The following ZNF544 variants were observed in gnomAD, a reference collection of about 807,000 sequenced individuals.
The protein encoded by ZNF544 is zinc finger protein 544.
Under a neutral mutation model 13.5 loss-of-function variants are expected in ZNF544, and 10 were observed. The ratio of observed to expected loss-of-function variants is 0.74; its 90% CI spans 0.46 to 1.25. The LOEUF is 1.25. ZNF544 is among the 50% of genes most tolerant of loss of function. The probability of loss-of-function intolerance (pLI) is 0.00; values close to 1 mark genes in which losing one functional copy is unlikely to be tolerated. For synonymous variants in ZNF544, 323 were observed against 300.5 expected (o/e 1.07, Z -0.77); for missense variants, 896 against 845.6 (o/e 1.06, Z -0.74).
intron 6 of ZNF544, among the ~76,000 whole-genome samples, chr19:58,254,259 T>C (rs2046821568): frequency 6.6e-6 from 1 of 151,182 alleles, no homozygotes; most frequent in African/African-American, 2.4e-5. Context: ...AATGCCTGGA[T>C]ACATGCAACT....
intron 6 of ZNF544, among the ~76,000 whole-genome samples, chr19:58,247,896 C>T (rs1407680657): frequency 2.6e-5 from 4 of 151,958 alleles, no homozygotes; most frequent in African/African-American, 7.2e-5. Context: ...CTGTTACAAT[C>T]GGCAAACCTA....
At chr19:58,260,533 G>A in intron 6 of ZNF544, 1 of 195,430 alleles carries the variant, frequency 5.1e-6, no homozygotes, top group Non-Finnish European at 1.0e-5. Context: ...ACCTGCCTCA[G>A]CCTCCCAAAG....
intron 3 of ZNF544, among the ~76,000 whole-genome samples, chr19:58,236,328 C>T (rs576476197): frequency 2.6e-5 from 4 of 151,706 alleles, no homozygotes; most frequent in South Asian, 2.1e-4. Flanking sequence ...GGAGAAACCC[C>T]GTCTCTGCTT....
intron 6 of ZNF544, chr19:58,251,330 C>A (rs2046271566): frequency 1.9e-6 from 1 of 518,902 alleles, no homozygotes; most frequent in Non-Finnish European, 3.8e-6. Flanking sequence ...TTTCACAAGT[C>A]ACAGGTGTAG....
In ZNF544 at chr19:58,254,796, T is replaced by TG. The variant is rs1300809070; in HGVS notation, c.245-6051dup. ...GCAGAGTTAATAGTACCAAGGTTGG[T>TG]GGGGTATTCTCTGTGAAGGAAGGAT... On this transcript the variant is annotated intron_variant, in intron 6 of 6. Coordinates refer to ENST00000687789, the MANE Select transcript of ZNF544 (RefSeq NM_014480.4). 6.6e-5 allele frequency among the ~76,000 whole-genome samples: 10 copies of TG among 151,968 alleles called. No individual in the cohort carries two copies. In the East Asian group the frequency reaches 1.9e-3, roughly 29 times the overall value.
At chr19:58,275,783 CAAAAAAAAAA>C (rs57148438) in intron 5 of ZNF544, among the ~76,000 whole-genome samples, 1 of 66,224 alleles carries the variant, frequency 1.5e-5, no homozygotes, top group Admixed American at 2.1e-4. Flanking sequence ...GACCCTGTCT[CAAAAAAAAAA>C]AAAAAAAAAG....
chr19:58,262,799 C>A lies in ZNF544; in HGVS notation c.*45C>A. The stretch of plus-strand genomic sequence containing the variant: ...AAGCTTTCATCCAGAGGTCTCCCCT[C>A]ATCATGCACCAGAGGACGCATGTCG... On this transcript the variant is annotated 3_prime_UTR_variant, in exon 7 of 7. Coordinates refer to ENST00000687789, the MANE Select transcript of ZNF544 (RefSeq NM_014480.4). The A allele has an allele frequency of 6.5e-7, 1 of 1,548,412 alleles. No homozygotes were observed. The highest frequency in any genetic ancestry group is 8.7e-7 in the Non-Finnish European group (1 of 1,147,348).
chr19:58,243,794 A>G (rs2044446274), intron 3 of ZNF544, among the ~76,000 whole-genome samples, 171 bp from the exon 4 acceptor site: 1 of 152,104 alleles, frequency 6.6e-6, no homozygotes, highest in Admixed American at 6.5e-5. Flanking sequence ...CGCCCAGCAC[A>G]TGACTGGGCA....
chr19:58,274,326 G>GTCT (rs1339029785), intron 5 of ZNF544, among the ~76,000 whole-genome samples: 1 of 152,154 alleles, frequency 6.6e-6, no homozygotes, highest in Non-Finnish European at 1.5e-5. Context: ...TCATTAGAGT[G>GTCT]AGCCCTGGTC....
At chr19:58,264,218 AC>A (rs768424166), downstream of ZNF544, 9 of 151,114 alleles carry the variant, frequency 6.0e-5, no homozygotes, top group Non-Finnish European at 1.3e-4. Flanking sequence ...ACATGGAGAA[AC>A]CCCGTCTCGA....
chr19:58,261,898 CTG>C lies in ZNF544; in HGVS notation c.1293_1294del (p.Gly432ArgfsTer8). On this transcript the variant is annotated frameshift_variant, in exon 7 of 7. Transcript: ENST00000687789. LOFTEE classifies it low-confidence loss of function (END_TRUNC). ...CTTATTACACATCAGCGAATTCACACTGGAGAAAAACCGTATCAGTGTATTGA... is the reference window on the plus strand; with the variant it reads ...CTTATTACACATCAGCGAATTCACACGAGAAAAACCGTATCAGTGTATTGA... 6.2e-7 allele frequency: 1 copy of C among 1,612,846 alleles called. No homozygotes were observed. The highest frequency in any genetic ancestry group is 8.5e-7 in the Non-Finnish European group (1 of 1,179,778).
chr19:58,253,180 A>T (rs1193239118), intron 6 of ZNF544, among the ~76,000 whole-genome samples: 1 of 152,220 alleles, frequency 6.6e-6, no homozygotes, highest in Non-Finnish European at 1.5e-5. Flanking sequence ...CAATTTTAAG[A>T]TTTTAAGTTA....
rs373209566 is a variant in ZNF544, at chr19:58,250,575, G to T, written c.244+3781G>T. Among the ~76,000 whole-genome samples, 5 of 152,258 alleles carry T rather than the reference G, an allele frequency of 3.3e-5. No individual in the cohort carries two copies. In the East Asian group the frequency reaches 5.8e-4, roughly 18 times the overall value. ...ATGTGAGGGGTTAATAATCTCTAGG[G>T]TGTAGTTACACTGATGACTTTTCAA... On this transcript the variant is annotated intron_variant, in intron 6 of 6. Transcript: ENST00000687789.
intron 6 of ZNF544, chr19:58,277,095 G>A: frequency 1.0e-6 from 1 of 975,500 alleles, no homozygotes; most frequent in Non-Finnish European, 1.3e-6. Context: ...GTTTGGTCTG[G>A]TCTCATGAGG....
chr19:58,266,212 CAAAAAA>C (rs760851818), downstream of ZNF544, among the ~76,000 whole-genome samples: 14 of 46,206 alleles, frequency 3.0e-4, no homozygotes, highest in Admixed American at 1.0e-3. Context: ...GACTCTGTCT[CAAAAAA>C]AAAAAAAAAA....
intron 3 of ZNF544, among the ~76,000 whole-genome samples, chr19:58,236,745 T>C (rs1036402531): frequency 1.1e-5 from 1 of 92,562 alleles, no homozygotes; most frequent in Non-Finnish European, 2.0e-5. Flanking sequence ...TCTGTGAAAC[T>C]TTTTTTTTTT....
At chr19:58,251,297 CTT>C (rs766122893) in intron 6 of ZNF544, 38 of 518,886 alleles carry the variant, frequency 7.3e-5, no homozygotes, top group Admixed American at 7.0e-4. Flanking sequence ...TTTTGGCTGT[CTT>C]TTAAACAGGT....
intron 5 of ZNF544, among the ~76,000 whole-genome samples, chr19:58,275,171 T>C (rs1486333476): frequency 6.6e-6 from 1 of 152,074 alleles, no homozygotes; most frequent in East Asian, 1.9e-4. Context: ...CAATGTTGGG[T>C]GTGACTCAGG....
chr19:58,275,682 G>A (rs2051155924), intron 5 of ZNF544, among the ~76,000 whole-genome samples: 1 of 151,374 alleles, frequency 6.6e-6, no homozygotes, highest in Non-Finnish European at 1.5e-5. Context: ...GGTAGCATGA[G>A]GCTGAGGTGG....
Sources: gnomAD v4.1 joint callset for allele counts (sites outside exome capture counted in the v4.1 genomes callset) on GRCh38, gnomAD v4.1.1 for gene constraint, MANE v1.5 for transcripts, NCBI Gene and HGNC (gene_info 2026-07-23, HGNC 2026-07-21) for gene names.